ASTN2: variants seen among roughly 807,000 people sequenced by gnomAD.
The protein encoded by ASTN2 is astrotactin 2.
In ASTN2, 54 loss-of-function variants were observed where a neutral mutation model predicts 139.8. That is an observed-to-expected ratio of 0.39 (90% CI 0.31 to 0.48). The LOEUF (loss-of-function observed/expected upper bound fraction) is 0.48, where lower values mean the gene tolerates loss of function less well. Among genes scored for constraint, ASTN2 ranks in the 20% least tolerant of loss-of-function variants. The pLI is 0.95. For synonymous variants in ASTN2, 756 were observed against 719.5 expected (o/e 1.05, Z -0.81); for missense variants, 1,565 against 1,725.1 (o/e 0.91, Z 1.64).
intron 16 of ASTN2, among the ~76,000 whole-genome samples, chr9:116,673,661 A>G (rs1322216990): frequency 1.3e-5 from 2 of 152,198 alleles, no homozygotes; most frequent in Non-Finnish European, 2.9e-5. Context: ...GATTGAAGTT[A>G]TGCTCACACA....
At chr9:116,781,495 G>T (rs1352898016) in intron 13 of ASTN2, among the ~76,000 whole-genome samples, 1 of 152,106 alleles carries the variant, frequency 6.6e-6, no homozygotes, top group Non-Finnish European at 1.5e-5. Flanking sequence ...TCATTTGGAT[G>T]TTTGCACAAT....
chr9:116,904,878 G>A (rs1159288562), intron 10 of ASTN2, among the ~76,000 whole-genome samples: 1 of 152,142 alleles, frequency 6.6e-6, no homozygotes, highest in Non-Finnish European at 1.5e-5. Flanking sequence ...TTCATTTGGT[G>A]GTAACGTTAC....
chr9:117,269,533 A>T (rs1341065315), intron 2 of ASTN2, among the ~76,000 whole-genome samples: 1 of 152,176 alleles, frequency 6.6e-6, no homozygotes, highest in Admixed American at 6.5e-5. Context: ...AAATGTCAAC[A>T]ATGGTGCTTC....
In ASTN2 at chr9:116,936,645, T is replaced by TAAAAATACAC. The variant is rs1374130818; in HGVS notation, c.1889+38562_1889+38563insGTGTATTTTT. Among the ~76,000 whole-genome samples, 16 of 152,294 alleles carry TAAAAATACAC rather than the reference T, an allele frequency of 1.1e-4. No homozygotes were observed. In the East Asian group the frequency reaches 3.1e-3, roughly 29 times the overall value. ...CTAACATTTTCCAGAGACATTTCTCTCTTCCAGGAATTTTCAAGCTGTAAA... is the reference window on the plus strand; with the variant it reads ...CTAACATTTTCCAGAGACATTTCTCTAAAAATACACCTTCCAGGAATTTTCAAGCTGTAAA... On this transcript the variant is annotated intron_variant, in intron 10 of 22. Transcript: ENST00000313400.
chr9:117,084,829 G>T (rs1427199624), intron 5 of ASTN2, among the ~76,000 whole-genome samples: 1 of 152,208 alleles, frequency 6.6e-6, no homozygotes, highest in Non-Finnish European at 1.5e-5. Flanking sequence ...ATTAGAATCT[G>T]AAAAGGATTT....
chr9:116,450,569 T>A (rs1848143623), intron 20 of ASTN2, among the ~76,000 whole-genome samples: 1 of 152,182 alleles, frequency 6.6e-6, no homozygotes, highest in Non-Finnish European at 1.5e-5. Context: ...CTGCTCTCAC[T>A]TTCCCAGCCT....
intron 5 of ASTN2, among the ~76,000 whole-genome samples, chr9:117,055,888 C>T (rs1246797666): frequency 4.6e-5 from 7 of 152,208 alleles, no homozygotes; most frequent in South Asian, 4.1e-4. Flanking sequence ...TGCAATGCCA[C>T]TTCCAAGGTT....
chr9:117,297,772 T>A (rs1834772820), intron 1 of ASTN2, among the ~76,000 whole-genome samples: 1 of 152,208 alleles, frequency 6.6e-6, no homozygotes, highest in African/African-American at 2.4e-5. Context: ...CTATAGCTTT[T>A]TCTAAAATAA....
chr9:116,889,046 C>T (rs1411244854), intron 10 of ASTN2, among the ~76,000 whole-genome samples: 1 of 152,086 alleles, frequency 6.6e-6, no homozygotes, highest in Non-Finnish European at 1.5e-5. Context: ...TTAAAACACC[C>T]TTAATTTTTG....
Position 116,469,734 on chromosome 9 carries a change from G to A in ASTN2, c.3497+17625C>T, listed in dbSNP as rs566302233. On this transcript the variant is annotated intron_variant, in intron 20 of 22. Coordinates refer to ENST00000313400, the MANE Select transcript of ASTN2 (RefSeq NM_001365068.1). ...ATACTTATTGAGTGTCTCTGTGTTT[G>A]TGCAATTGAGTGTACACAGATAAAA... Among the ~76,000 whole-genome samples the A allele has an allele frequency of 5.9e-5, 9 of 152,270 alleles. No individual in the cohort carries two copies. The South Asian group carries it at 1.5e-3, about 25-fold the overall frequency.
At chr9:116,575,956 A>G (rs549521933) in intron 19 of ASTN2, among the ~76,000 whole-genome samples, 1 of 152,280 alleles carries the variant, frequency 6.6e-6, no homozygotes, top group South Asian at 2.1e-4. Context: ...GGGAGGAGGA[A>G]GCTCATGAGT....
chr9:116,952,681 C>G (rs1835596858), intron 10 of ASTN2, among the ~76,000 whole-genome samples: 1 of 152,200 alleles, frequency 6.6e-6, no homozygotes, highest in African/African-American at 2.4e-5. Flanking sequence ...TTTGCTCCAT[C>G]ATGTTAAGCT....
intron 4 of ASTN2, among the ~76,000 whole-genome samples, chr9:117,104,373 T>C (rs1283730869): frequency 6.6e-6 from 1 of 152,068 alleles, no homozygotes; most frequent in East Asian, 1.9e-4. Flanking sequence ...TGACATACTT[T>C]TGGGTAAAAA....
intron 2 of ASTN2, among the ~76,000 whole-genome samples, chr9:117,232,236 T>A: frequency 6.6e-6 from 1 of 152,218 alleles, no homozygotes. Context: ...AGTGAAGATG[T>A]GCATGTAAAC....
chr9:116,672,894 T>C (rs1859283824), intron 16 of ASTN2, among the ~76,000 whole-genome samples: 1 of 152,214 alleles, frequency 6.6e-6, no homozygotes. Context: ...GTTTATATTA[T>C]TAATAATAAC....
At position 117,411,446 on chromosome 9, in the gene ASTN2, C is replaced by CAAAA. The variant is rs199996219; in HGVS notation, c.442+3047_442+3050dup. ...AGAAATACAAAAAGGAAAGGATCTG[C>CAAAA]AAAAAAAAAAAAAAAAAAAAAAAAG... On this transcript the variant is annotated intron_variant, in intron 1 of 22. Coordinates refer to ENST00000313400, the MANE Select transcript of ASTN2 (RefSeq NM_001365068.1). Among the ~76,000 whole-genome samples, 169 of 43,152 alleles carry CAAAA rather than the reference C, an allele frequency of 3.9e-3. 6 individuals carry two copies. Among genetic ancestry groups the CAAAA allele is most frequent in the African/African-American group, 0.012 (126 of 10,384 alleles). The allele number at this position is 43,152 out of a possible 152,430, so 28.3% of individuals were successfully genotyped here. A position where few individuals can be genotyped will look rare whatever the true frequency, so the allele number is the denominator to read the frequency against.
At chr9:116,471,064 T>A (rs752519388) in intron 20 of ASTN2, among the ~76,000 whole-genome samples, 3 of 152,230 alleles carry the variant, frequency 2.0e-5, no homozygotes, top group Non-Finnish European at 2.9e-5. Context: ...TGATTTAATA[T>A]CTGTGTAGAA....
chr9:116,868,243 C>A (rs1449707411), intron 10 of ASTN2, among the ~76,000 whole-genome samples: 1 of 152,148 alleles, frequency 6.6e-6, no homozygotes, highest in African/African-American at 2.4e-5. Context: ...TTCACAAGAG[C>A]CCTAGAAATG....
chr9:116,467,413 C>T (rs1248494731), intron 20 of ASTN2, among the ~76,000 whole-genome samples: 1 of 152,154 alleles, frequency 6.6e-6, no homozygotes, highest in African/African-American at 2.4e-5. Context: ...ACTACAGGCG[C>T]ACGCCACCAC....
Sources: gnomAD v4.1 joint callset for allele counts (sites outside exome capture counted in the v4.1 genomes callset) on GRCh38, gnomAD v4.1.1 for gene constraint, MANE v1.5 for transcripts, NCBI Gene and HGNC (gene_info 2026-07-23, HGNC 2026-07-21) for gene names.